SHQ1: variants seen among roughly 807,000 people sequenced by gnomAD.
SHQ1 encodes protein SHQ1 homolog.
Under a neutral mutation model 53.8 loss-of-function variants are expected in SHQ1, and 49 were observed. That is an observed-to-expected ratio of 0.91 (90% CI 0.72 to 1.16). The LOEUF (loss-of-function observed/expected upper bound fraction) is 1.16, where lower values mean the gene tolerates loss of function less well. SHQ1 is among the 50% of genes most tolerant of loss of function. The pLI is 0.00. For synonymous variants in SHQ1, 243 were observed against 251.0 expected (o/e 0.97, Z 0.30); for missense variants, 738 against 683.1 (o/e 1.08, Z -0.90).
intron 10 of SHQ1, among the ~76,000 whole-genome samples, chr3:72,775,815 G>T (rs1332993629): frequency 6.6e-6 from 1 of 151,764 alleles, no homozygotes; most frequent in Non-Finnish European, 1.5e-5. Context: ...CCAAGGATGA[G>T]GAAAAAATGC....
At chr3:72,743,932 A>G in the SHQ1 span, among the ~76,000 whole-genome samples, 28 of 152,066 alleles carry the variant, frequency 1.8e-4, no homozygotes, top group East Asian at 4.8e-3. Flanking sequence ...GTGGCAGTTG[A>G]ATGGGGGCCT....
At chr3:72,836,476 A>C (rs544359658) in intron 4 of SHQ1, among the ~76,000 whole-genome samples, 1 of 151,840 alleles carries the variant, frequency 6.6e-6, no homozygotes, top group Non-Finnish European at 1.5e-5. Flanking sequence ...GCAACAAAGC[A>C]AGACTCCGTC....
chr3:72,773,058 C>G, intron 10 of SHQ1: 2 of 887,014 alleles, frequency 2.3e-6, no homozygotes, highest in Non-Finnish European at 3.8e-6. Flanking sequence ...TGACTGAGTC[C>G]ATGTTCTCTA....
chr3:72,810,449 A>C (rs1294997868), intron 9 of SHQ1, among the ~76,000 whole-genome samples: 1 of 152,174 alleles, frequency 6.6e-6, no homozygotes, highest in African/African-American at 2.4e-5. Flanking sequence ...GTTATAATGA[A>C]ATATTCTGTA....
intron 10 of SHQ1, among the ~76,000 whole-genome samples, chr3:72,789,081 T>TAAAAAAA (rs1205170855): frequency 5.0e-4 from 31 of 61,606 alleles, no homozygotes; most frequent in East Asian, 1.3e-3. Context: ...CAATAAACAC[T>TAAAAAAA]AAAAAAAAAA....
the SHQ1 span, among the ~76,000 whole-genome samples, chr3:72,738,289 G>A: frequency 0.65 from 98,878 of 151,894 alleles, 34,473 homozygotes; most frequent in East Asian, 0.95. Context: ...TGCTGAAAAC[G>A]AGGCAAGGTA....
intron 9 of SHQ1, among the ~76,000 whole-genome samples, chr3:72,800,173 T>C (rs898558801): frequency 2.0e-5 from 3 of 152,138 alleles, no homozygotes; most frequent in African/African-American, 7.2e-5. Flanking sequence ...CACCATGTGA[T>C]ACCCTCTGCC....
At chr3:72,762,431 T>C (rs1254236206) in intron 10 of SHQ1, among the ~76,000 whole-genome samples, 1 of 152,208 alleles carries the variant, frequency 6.6e-6, no homozygotes, top group East Asian at 1.9e-4. Flanking sequence ...TTCACAGAGA[T>C]GGAAATGTGG....
At chr3:72,727,572 T>A in the SHQ1 span, among the ~76,000 whole-genome samples, 1 of 152,214 alleles carries the variant, frequency 6.6e-6, no homozygotes, top group African/African-American at 2.4e-5. Context: ...TGAGGTTTCC[T>A]GGGATGGTGT....
At chr3:72,815,626 C>T (rs1446756658) in intron 7 of SHQ1, among the ~76,000 whole-genome samples, 1 of 152,174 alleles carries the variant, frequency 6.6e-6, no homozygotes, top group Non-Finnish European at 1.5e-5. Flanking sequence ...AACTTTTCTA[C>T]TGATAAGAGT....
chr3:72,762,008 G>A (rs2106719783), intron 10 of SHQ1, among the ~76,000 whole-genome samples: 1 of 152,262 alleles, frequency 6.6e-6, no homozygotes, highest in Middle Eastern at 3.4e-3. Flanking sequence ...CAAGGAGACA[G>A]GCTCTAGCTC....
downstream of SHQ1, among the ~76,000 whole-genome samples, chr3:72,748,025 A>G (rs549317855): frequency 1.3e-5 from 2 of 151,812 alleles, no homozygotes; most frequent in South Asian, 2.1e-4. Context: ...TAGAGAGAAG[A>G]GTCCTCAGTA....
intron 10 of SHQ1, among the ~76,000 whole-genome samples, chr3:72,786,838 T>G (rs910493652): frequency 6.6e-6 from 1 of 152,226 alleles, no homozygotes; most frequent in Admixed American, 6.5e-5. Flanking sequence ...CACTTTTACA[T>G]GCAATTCTGA....
At chr3:72,738,780 A>C in the SHQ1 span, among the ~76,000 whole-genome samples, 1 of 152,106 alleles carries the variant, frequency 6.6e-6, no homozygotes, top group African/African-American at 2.4e-5. Flanking sequence ...GATTAAGCAT[A>C]CACTCCAGCC....
At position 72,750,647 on chromosome 3, in the gene SHQ1, C is replaced by T. The variant is rs551970990; in HGVS notation, c.1371G>A (p.Ser457=). Residue 457 remains serine (S), a synonymous_variant, in exon 11 of 11, where the codon TCG becomes TCA. Coordinates refer to ENST00000325599, the MANE Select transcript of SHQ1 (RefSeq NM_018130.3). ...ATGACACGCTGCTGTCTGAGTCCTC[C>T]GAATCACTTGCCTCAGAGCTGGAGC... The part of the protein sequence containing the change: ...TLCSSSEASD[S]EDSDSSVSSG... 43 of 1,613,792 alleles carry T rather than the reference C, an allele frequency of 2.7e-5. No homozygotes were observed. The highest frequency in any genetic ancestry group is 3.0e-5 in the Non-Finnish European group (35 of 1,179,848).
intron 9 of SHQ1, among the ~76,000 whole-genome samples, chr3:72,809,117 T>G (rs917856305): frequency 6.6e-6 from 1 of 151,890 alleles, no homozygotes; most frequent in African/African-American, 2.4e-5. Context: ...AAGATTGGTG[T>G]CTGGCTTCCA....
chr3:72,811,917 C>T (rs1707135452), intron 9 of SHQ1, among the ~76,000 whole-genome samples: 1 of 152,090 alleles, frequency 6.6e-6, no homozygotes, highest in Non-Finnish European at 1.5e-5. Context: ...AAGAAATGAC[C>T]ATAAAGTACT....
At chr3:72,840,361 T>C (rs753345934) in intron 4 of SHQ1, among the ~76,000 whole-genome samples, 4 of 145,766 alleles carry the variant, frequency 2.7e-5, no homozygotes, top group Admixed American at 6.9e-5. Context: ...TTTGAGACCA[T>C]CCTGGCCAAC....
At position 72,751,506 on chromosome 3, in the gene SHQ1, GTGTA is replaced by G. The variant is rs757208089; in HGVS notation, c.1182-674_1182-671del. Among the ~76,000 whole-genome samples, 699 of 117,406 alleles carry G rather than the reference GTGTA, an allele frequency of 6.0e-3. 11 individuals are homozygous for G. The highest frequency in any genetic ancestry group is 0.011 in the East Asian group (55 of 4,940). 77.0% of individuals were successfully genotyped at this position (117,406 alleles called of 152,430 possible). ...TGTGTGTGTGTGTGTGTGTGTGTGT[GTGTA>G]TATATATATATATATATATACATAT... On this transcript the variant is annotated intron_variant, in intron 10 of 10. Transcript: ENST00000325599.
Sources: allele counts gnomAD v4.1 joint callset (sites outside exome capture counted in the v4.1 genomes callset), GRCh38; gene constraint gnomAD v4.1.1; transcripts MANE v1.5; gene names NCBI Gene and HGNC (gene_info 2026-07-23, HGNC 2026-07-21).